Variants in PDLIM5 observed in about 807,000 individuals in gnomAD.
The protein encoded by PDLIM5 is PDZ and LIM domain protein 5.
A neutral mutation model predicts 64.2 loss-of-function variants in PDLIM5; 34 were observed. The ratio of observed to expected loss-of-function variants is 0.53; its 90% CI spans 0.40 to 0.71. The LOEUF is 0.71. Ranked by LOEUF, PDLIM5 falls within the 30% of genes least tolerant of loss-of-function variation. The pLI is 0.00. For synonymous variants in PDLIM5, 253 were observed against 269.1 expected (o/e 0.94, Z 0.59); for missense variants, 683 against 733.6 (o/e 0.93, Z 0.80).
chr4:94,506,165 C>T (rs559283516), intron 2 of PDLIM5, among the ~76,000 whole-genome samples: 1 of 152,262 alleles, frequency 6.6e-6, no homozygotes, highest in South Asian at 2.1e-4. Flanking sequence ...TTTTGATCAG[C>T]CAAGTGTGGG....
intron 2 of PDLIM5, among the ~76,000 whole-genome samples, chr4:94,496,672 T>A (rs1018014314): frequency 6.6e-6 from 1 of 152,146 alleles, no homozygotes; most frequent in Non-Finnish European, 1.5e-5. Context: ...ATATTTTTTG[T>A]AGAGACAGGG....
chr4:94,471,506 A>G (rs1437841495), intron 2 of PDLIM5, among the ~76,000 whole-genome samples: 1 of 152,100 alleles, frequency 6.6e-6, no homozygotes, highest in Non-Finnish European at 1.5e-5. Context: ...CTTTTTTCAT[A>G]GCAGTCTTTT....
chr4:94,633,821 A>G (rs1325413852), intron 8 of PDLIM5, among the ~76,000 whole-genome samples: 1 of 152,172 alleles, frequency 6.6e-6, no homozygotes, highest in Non-Finnish European at 1.5e-5. Flanking sequence ...CTTTGTGGGG[A>G]ATGGGGTGCT....
chr4:94,528,210 A>G (rs1028162052), intron 3 of PDLIM5, among the ~76,000 whole-genome samples: 1 of 152,146 alleles, frequency 6.6e-6, no homozygotes, highest in African/African-American at 2.4e-5. Flanking sequence ...CTGCCAGTGC[A>G]TGCCTTCACA....
chr4:94,604,391 T>C (rs1192339451), intron 7 of PDLIM5, among the ~76,000 whole-genome samples: 1 of 152,176 alleles, frequency 6.6e-6, no homozygotes. Context: ...CCCAGCACTT[T>C]GGGAGGCCAA....
intron 2 of PDLIM5, among the ~76,000 whole-genome samples, chr4:94,519,663 G>T (rs1007078501): frequency 1.3e-5 from 2 of 152,110 alleles, no homozygotes; most frequent in Admixed American, 6.5e-5. Flanking sequence ...CCGATTTACT[G>T]TTCATGCTTG....
intron 9 of PDLIM5, among the ~76,000 whole-genome samples, chr4:94,643,447 C>T (rs1578529366): frequency 6.6e-6 from 1 of 151,926 alleles, no homozygotes; most frequent in Admixed American, 6.6e-5. Context: ...CATAGAAAAT[C>T]AGGCAGTTGT....
chr4:94,648,628 CTA>C (rs1485294233), intron 9 of PDLIM5, among the ~76,000 whole-genome samples: 1 of 152,206 alleles, frequency 6.6e-6, no homozygotes, highest in Non-Finnish European at 1.5e-5. Flanking sequence ...TGTCATGAGT[CTA>C]TGGGTTAGCT....
chr4:94,558,154 G>A (rs994088730), intron 3 of PDLIM5, among the ~76,000 whole-genome samples: 15 of 152,098 alleles, frequency 9.9e-5, no homozygotes, highest in Admixed American at 2.0e-4. Flanking sequence ...TTCTGCATCT[G>A]TTGAGATAAT....
At chr4:94,606,606 A>T (rs995261542) in intron 7 of PDLIM5, among the ~76,000 whole-genome samples, 5 of 152,224 alleles carry the variant, frequency 3.3e-5, no homozygotes, top group Non-Finnish European at 5.9e-5. Flanking sequence ...GCCCAAGATC[A>T]CCTAGAGCAG....
chr4:94,635,685 C>T (rs1740502354), intron 8 of PDLIM5, among the ~76,000 whole-genome samples: 2 of 151,568 alleles, frequency 1.3e-5, no homozygotes, highest in South Asian at 2.1e-4. Context: ...ATGGTGCTTC[C>T]CCTGTCCCAA....
At chr4:94,517,405 G>T (rs1194270030) in intron 2 of PDLIM5, among the ~76,000 whole-genome samples, 2 of 152,262 alleles carry the variant, frequency 1.3e-5, no homozygotes, top group East Asian at 3.9e-4. Context: ...AGCAGGTACT[G>T]GAAAATATAT....
chr4:94,628,118 T>C (rs1431783658), intron 8 of PDLIM5, among the ~76,000 whole-genome samples: 1 of 152,238 alleles, frequency 6.6e-6, no homozygotes, highest in Non-Finnish European at 1.5e-5. Context: ...TACTACTTCA[T>C]TGAATCCTCT....
chr4:94,505,595 A>T (rs777771919), intron 2 of PDLIM5, among the ~76,000 whole-genome samples: 13 of 152,150 alleles, frequency 8.5e-5, no homozygotes, highest in Non-Finnish European at 1.6e-4. Flanking sequence ...AACTGGCTAT[A>T]AATTGCTGGG....
At chr4:94,504,468 G>A (rs1455912128) in intron 2 of PDLIM5, among the ~76,000 whole-genome samples, 1 of 152,036 alleles carries the variant, frequency 6.6e-6, no homozygotes, top group Non-Finnish European at 1.5e-5. Flanking sequence ...TGTATTTTTA[G>A]TAGAGATGGG....
chr4:94,506,439 T>C (rs763108606), intron 2 of PDLIM5, among the ~76,000 whole-genome samples: 2 of 152,160 alleles, frequency 1.3e-5, no homozygotes, highest in Non-Finnish European at 2.9e-5. Flanking sequence ...GCAGATTCAG[T>C]GTCTCATGAA....
chr4:94,517,019 T>A (rs771559870), intron 2 of PDLIM5, among the ~76,000 whole-genome samples: 2 of 152,192 alleles, frequency 1.3e-5, no homozygotes, highest in Non-Finnish European at 2.9e-5. Context: ...AGCACTAGGA[T>A]GATAATAAAC....
intron 7 of PDLIM5, among the ~76,000 whole-genome samples, chr4:94,599,059 G>A (rs78901186): frequency 6.6e-6 from 1 of 152,262 alleles, no homozygotes; most frequent in Admixed American, 6.5e-5. Flanking sequence ...TGCCTTGTAG[G>A]TTGTGTTAAG....
intron 7 of PDLIM5, chr4:94,586,957 CTTTTTTTTT>C (rs70946535): frequency 8.4e-7 from 1 of 1,195,088 alleles, no homozygotes; most frequent in Non-Finnish European, 1.1e-6. Flanking sequence ...TTCTATCACT[CTTTTTTTTT>C]TTTTTTTTTT....
Sources: gnomAD v4.1 joint callset for allele counts (sites outside exome capture counted in the v4.1 genomes callset) on GRCh38, gnomAD v4.1.1 for gene constraint, MANE v1.5 for transcripts, NCBI Gene and HGNC (gene_info 2026-07-23, HGNC 2026-07-21) for gene names.